PCDHA1: variants seen among roughly 807,000 people sequenced by gnomAD.
PCDHA1 encodes protocadherin alpha-1.
A neutral mutation model predicts 61.3 loss-of-function variants in PCDHA1; 42 were observed. That is an observed-to-expected ratio of 0.69 (90% CI 0.54 to 0.89). The LOEUF is 0.89. Among genes scored for constraint, PCDHA1 ranks in the 40% least tolerant of loss-of-function variants. The pLI, the probability that PCDHA1 is intolerant of heterozygous loss-of-function variation, is 0.00. For synonymous variants in PCDHA1, 610 were observed against 553.8 expected, an observed-to-expected ratio of 1.10 and a Z score of -1.43; for missense variants, 1,256 against 1,235.3, an observed-to-expected ratio of 1.02 and a Z score of -0.25.
At chr5:140,975,309 T>C (rs182558596) in intron 1 of PCDHA1, among the ~76,000 whole-genome samples, 161 of 152,342 alleles carry the variant, frequency 1.1e-3, no homozygotes, top group African/African-American at 3.2e-3. Flanking sequence ...CTCATGTGAT[T>C]ATGTCAGTCC....
At chr5:140,822,210 A>G in intron 1 of PCDHA1, 1 of 1,614,220 alleles carries the variant, frequency 6.2e-7, no homozygotes, top group East Asian at 2.2e-5. Flanking sequence ...TAGAGTCAAG[A>G]ATGCCAGATT....
intron 1 of PCDHA1, chr5:140,966,905 T>C (rs1554228876): frequency 1.9e-6 from 3 of 1,600,790 alleles, no homozygotes; most frequent in Non-Finnish European, 2.5e-6. Flanking sequence ...GCTGCGATAC[T>C]CTGTGCCAGA....
At chr5:140,967,588 A>G (rs782208520) in intron 1 of PCDHA1, 7 of 1,614,116 alleles carry the variant, frequency 4.3e-6, no homozygotes, top group Non-Finnish European at 5.1e-6. Flanking sequence ...CCCCAGGCAC[A>G]TTGGTGGTGA....
chr5:140,856,704 C>T, intron 1 of PCDHA1: 1 of 1,596,654 alleles, frequency 6.3e-7, no homozygotes, highest in Non-Finnish European at 8.6e-7. Context: ...GGAGGCAAAC[C>T]TGAATTTACC....
In PCDHA1 at chr5:140,855,793, CAT is replaced by C. The variant is rs1336692257; in HGVS notation, c.2394+67112_2394+67113del. On this transcript the variant is annotated intron_variant, in intron 1 of 3. Coordinates refer to ENST00000504120, the MANE Select transcript of PCDHA1 (RefSeq NM_018900.4). ...TAAAAATACGTAAAAAAAGAATTAA[CAT>C]ATGAATGAAAGAAAAGTTGTGAACT... 3.6e-4 allele frequency: 165 copies of C among 456,916 alleles called. 2 individuals are homozygous for C. The East Asian group carries it at 4.8e-3, about 13-fold the overall frequency. The allele number at this position is 456,916 out of a possible 1,614,324, so 28.3% of individuals were successfully genotyped here.
chr5:140,870,198 C>G, intron 1 of PCDHA1: 1 of 1,614,172 alleles, frequency 6.2e-7, no homozygotes, highest in Non-Finnish European at 8.5e-7. Context: ...CTCAGCCCAG[C>G]ACGGTCATTG....
At position 140,936,025 on chromosome 5, in the gene PCDHA1, G is replaced by A. The variant is rs542573400; in HGVS notation, c.2395-42924G>A. On this transcript the variant is annotated intron_variant, in intron 1 of 3. Coordinates refer to ENST00000504120, the MANE Select transcript of PCDHA1 (RefSeq NM_018900.4). ...CTCCCACCTCAGCCTCCCGAGTAGC[G>A]GGGATTACAGGCACCCACCACCACA... 1.5e-3 allele frequency among the ~76,000 whole-genome samples: 222 copies of A among 151,390 alleles called. 1 individual carries two copies. The highest frequency in any genetic ancestry group is 6.8e-3 in the Middle Eastern group (2 of 294).
At chr5:140,859,564 T>C (rs1485342006) in intron 1 of PCDHA1, 1 of 176,228 alleles carries the variant, frequency 5.7e-6, no homozygotes, top group African/African-American at 2.4e-5. Context: ...ACCAATGCCA[T>C]GAATTTGTCA....
intron 1 of PCDHA1, chr5:140,852,648 C>T: frequency 1.0e-6 from 1 of 958,186 alleles, no homozygotes; most frequent in Non-Finnish European, 1.3e-6. Flanking sequence ...TTAAACCTAT[C>T]TATATCTGTC....
intron 1 of PCDHA1, among the ~76,000 whole-genome samples, chr5:140,831,493 A>G (rs1458083033): frequency 1.2e-5 from 1 of 84,180 alleles, no homozygotes; most frequent in Non-Finnish European, 2.4e-5. Context: ...TGGAGTTACT[A>G]CACACGAGCA....
At chr5:140,969,363 C>G (rs367871893) in intron 1 of PCDHA1, 4 of 1,610,614 alleles carry the variant, frequency 2.5e-6, no homozygotes, top group East Asian at 4.5e-5. Flanking sequence ...CTTCTACAAA[C>G]TCATGCATTT....
At chr5:140,898,497 T>G (rs1473036595) in intron 1 of PCDHA1, among the ~76,000 whole-genome samples, 2 of 152,216 alleles carry the variant, frequency 1.3e-5, no homozygotes, top group African/African-American at 4.8e-5. Flanking sequence ...ATCAGATAGT[T>G]GTAGATATGC....
At chr5:140,803,489 GC>G in intron 1 of PCDHA1, 1 of 1,614,236 alleles carries the variant, frequency 6.2e-7, no homozygotes, top group African/African-American at 1.3e-5. Flanking sequence ...GAGAGGGGTT[GC>G]CCAAGACCGA....
rs782070074 is a variant in PCDHA1, at chr5:140,787,834, G to C, written c.1544G>C (p.Gly515Ala). ...TACGTGTCAGTGCACGCGGAGAGCGGCAAGGTGTACGCACTGCAGCCCCTG... is the reference window on the plus strand; with the variant it reads ...TACGTGTCAGTGCACGCGGAGAGCGCCAAGGTGTACGCACTGCAGCCCCTG... ...SNYVSVHAES[G>A]KVYALQPLDH... The change falls in exon 1 of 4, where the codon GGC becomes GCC. Residue 515 changes from glycine (G) to alanine (A), a missense_variant. Physicochemically the swap from Gly to Ala is moderately conservative, Grantham distance 60. Coordinates refer to ENST00000504120, the MANE Select transcript of PCDHA1 (RefSeq NM_018900.4). The C allele has an allele frequency of 6.2e-7, 1 of 1,612,538 alleles. No homozygotes were observed.
chr5:140,834,543 C>T, intron 1 of PCDHA1: 4 of 1,614,084 alleles, frequency 2.5e-6, no homozygotes, highest in Non-Finnish European at 3.4e-6. Flanking sequence ...GGACCTGGGG[C>T]TGGAGCTGGC....
chr5:140,852,319 C>T (rs2150515438), intron 1 of PCDHA1: 6 of 325,372 alleles, frequency 1.8e-5, no homozygotes, highest in Non-Finnish European at 2.8e-5. Context: ...TTTCTGCCAC[C>T]CAGGCTGGAG....
At chr5:140,789,688 C>T (rs1181180692) in intron 1 of PCDHA1, among the ~76,000 whole-genome samples, 1 of 152,020 alleles carries the variant, frequency 6.6e-6, no homozygotes, top group Non-Finnish European at 1.5e-5. Flanking sequence ...CCCATTCCTC[C>T]CATTCACTCA....
At chr5:141,000,361 G>GTC (rs148596731) in intron 3 of PCDHA1, among the ~76,000 whole-genome samples, 441 of 26,430 alleles carry the variant, frequency 0.017, 8 homozygotes, top group Non-Finnish European at 0.02. Flanking sequence ...GTCTCTCTCT[G>GTC]TCTCTCTCTC....
rs2098417673 is a variant in PCDHA1, at chr5:141,010,569, T to C, written c.*632T>C. ...AAAACTACCCCCACTGACAAGGCTT[T>C]AGGAGACCCTAAAGTCTGTTGGCTG... On this transcript the variant is annotated 3_prime_UTR_variant, in exon 4 of 4. Transcript: ENST00000504120. 1.4e-5 allele frequency: 4 copies of C among 283,140 alleles called. No individual in the cohort carries two copies. The South Asian group carries it at 2.4e-4, about 17-fold the overall frequency. The allele number at this position is 283,140 out of a possible 1,614,324, so 17.5% of individuals were successfully genotyped here.
Sources: gnomAD v4.1 joint callset for allele counts (sites outside exome capture counted in the v4.1 genomes callset) on GRCh38, gnomAD v4.1.1 for gene constraint, MANE v1.5 for transcripts, NCBI Gene and HGNC (gene_info 2026-07-23, HGNC 2026-07-21) for gene names.